OLFM3: variants seen among roughly 807,000 people sequenced by gnomAD.
OLFM3 encodes the protein noelin-3.
OLFM3 carries 20 observed loss-of-function variants against 48.6 expected under a neutral mutation model. That is an observed-to-expected ratio of 0.41 (90% CI 0.29 to 0.60). OLFM3 has a LOEUF of 0.60. OLFM3 is among the 20% of genes least tolerant of loss of function. OLFM3 has a pLI of 0.28. For missense variants in OLFM3, 437 were observed against 544.3 expected (o/e 0.80, Z 1.96); for synonymous variants, 222 against 198.1 (o/e 1.12, Z -1.01).
chr1:101,809,701 G>C (rs1653956101), intron 4 of OLFM3, among the ~76,000 whole-genome samples: 1 of 151,880 alleles, frequency 6.6e-6, no homozygotes, highest in South Asian at 2.1e-4. Context: ...TTGATACATA[G>C]ATAGACTGTA....
intron 1 of OLFM3, among the ~76,000 whole-genome samples, chr1:101,969,782 CAGG>C (rs1660730479): frequency 6.6e-6 from 1 of 151,706 alleles, no homozygotes; most frequent in South Asian, 2.1e-4. Context: ...GTGTCTATGT[CAGG>C]AGAAGGATGT....
intron 1 of OLFM3, among the ~76,000 whole-genome samples, chr1:101,881,880 T>C (rs536592592): frequency 5.1e-4 from 78 of 151,812 alleles, no homozygotes; most frequent in African/African-American, 1.7e-3. Flanking sequence ...TTACTAGACC[T>C]CAACCACAGT....
At chr1:101,831,772 T>C (rs1655162491) in intron 2 of OLFM3, among the ~76,000 whole-genome samples, 1 of 152,336 alleles carries the variant, frequency 6.6e-6, no homozygotes, top group East Asian at 1.9e-4. Flanking sequence ...AAAATATACA[T>C]TTATCAAGAT....
chr1:101,996,441 CA>C (rs1661558591), intron 1 of OLFM3, among the ~76,000 whole-genome samples: 1 of 152,136 alleles, frequency 6.6e-6, no homozygotes, highest in Admixed American at 6.5e-5. Context: ...CGTCCGACTT[CA>C]AAAGAGAGCA....
chr1:101,884,688 T>C (rs1380160145), intron 1 of OLFM3, among the ~76,000 whole-genome samples: 1 of 151,998 alleles, frequency 6.6e-6, no homozygotes, highest in Non-Finnish European at 1.5e-5. Context: ...TGCCAGTCTT[T>C]TGGTTGTACA....
At chr1:101,889,484 A>G (rs1657904363) in intron 1 of OLFM3, among the ~76,000 whole-genome samples, 1 of 152,118 alleles carries the variant, frequency 6.6e-6, no homozygotes, top group Non-Finnish European at 1.5e-5. Flanking sequence ...GGGTAACATC[A>G]CACACCAGGG....
intron 4 of OLFM3, chr1:101,812,363 A>G: frequency 1.1e-6 from 1 of 893,556 alleles, no homozygotes. Flanking sequence ...TAAACTTCAA[A>G]GTGAAGTTTG....
intron 1 of OLFM3, among the ~76,000 whole-genome samples, chr1:101,968,287 C>G (rs1201801436): frequency 6.6e-6 from 1 of 152,262 alleles, no homozygotes; most frequent in Non-Finnish European, 1.5e-5. Flanking sequence ...CAATTGCTCT[C>G]CTCATCCAGA....
chr1:101,943,537 A>T (rs565705398), intron 1 of OLFM3, among the ~76,000 whole-genome samples: 45 of 152,352 alleles, frequency 3.0e-4, no homozygotes, highest in African/African-American at 1.0e-3. Context: ...ATACAAGTTA[A>T]ACACAAGGAG....
At chr1:101,843,331 C>T (rs1655820231) in intron 1 of OLFM3, among the ~76,000 whole-genome samples, 1 of 152,170 alleles carries the variant, frequency 6.6e-6, no homozygotes, top group African/African-American at 2.4e-5. Flanking sequence ...TTTTTAATTG[C>T]TCTTTCCCAG....
At chr1:101,977,678 A>C (rs1395347220) in intron 1 of OLFM3, among the ~76,000 whole-genome samples, 1 of 152,160 alleles carries the variant, frequency 6.6e-6, no homozygotes, top group Non-Finnish European at 1.5e-5. Context: ...ACCTCTCTTT[A>C]GTCAACTCTC....
chr1:101,839,331 G>C (rs1655594527), intron 1 of OLFM3, among the ~76,000 whole-genome samples: 1 of 152,090 alleles, frequency 6.6e-6, no homozygotes, highest in South Asian at 2.1e-4. Context: ...AGATTACTGG[G>C]TTAGTCTTTT....
chr1:101,954,478 G>A (rs1194492477), intron 1 of OLFM3, among the ~76,000 whole-genome samples: 1 of 151,968 alleles, frequency 6.6e-6, no homozygotes, highest in Non-Finnish European at 1.5e-5. Flanking sequence ...TTTCTTGCTT[G>A]TAATGAACAT....
At chr1:101,941,969 G>A (rs970460217) in intron 1 of OLFM3, among the ~76,000 whole-genome samples, 2 of 152,112 alleles carry the variant, frequency 1.3e-5, no homozygotes, top group African/African-American at 4.8e-5. Flanking sequence ...TCATAATAAA[G>A]CCTTTTCAAG....
chr1:101,818,774 CT>C (rs1415240687), intron 4 of OLFM3, among the ~76,000 whole-genome samples: 1 of 152,096 alleles, frequency 6.6e-6, no homozygotes, highest in Non-Finnish European at 1.5e-5. Context: ...CCCCCAAAAG[CT>C]TTTTGGCTTT....
intron 1 of OLFM3, among the ~76,000 whole-genome samples, chr1:101,921,552 G>A (rs1659096104): frequency 6.6e-6 from 1 of 152,146 alleles, no homozygotes; most frequent in Admixed American, 6.5e-5. Context: ...TGAGTAAAAG[G>A]CACTTGGGCT....
At chr1:101,981,864 G>A (rs12047669) in intron 1 of OLFM3, among the ~76,000 whole-genome samples, 37,548 of 151,400 alleles carry the variant, frequency 0.25, 5,174 homozygotes, top group Middle Eastern at 0.36. Flanking sequence ...TATAGAATGA[G>A]TAAAATAATG....
At chr1:101,951,318 A>T (rs114427936) in intron 1 of OLFM3, among the ~76,000 whole-genome samples, 2,288 of 152,342 alleles carry the variant, frequency 0.015, 59 homozygotes, top group African/African-American at 0.053. Flanking sequence ...ATGTTGTGGT[A>T]TACAAAGGAA....
Position 101,983,309 on chromosome 1 carries a change from C to T in OLFM3, c.69+13439G>A, listed in dbSNP as rs187586399. On this transcript the variant is annotated intron_variant, in intron 1 of 5. Coordinates refer to ENST00000370103, the MANE Select transcript of OLFM3 (RefSeq NM_058170.4). ...TTTCATTCTTCATTGTCTAGTTAAC[C>T]TTTCTTTAAGGATTCCTGTCCCCAG... is the stretch of plus-strand genomic sequence containing the variant. Among the ~76,000 whole-genome samples the T allele has an allele frequency of 2.0e-5, 3 of 152,248 alleles. No homozygotes were observed. In the East Asian group the frequency reaches 5.8e-4, roughly 29 times the overall value.
Sources: gnomAD v4.1 joint callset for allele counts (sites outside exome capture counted in the v4.1 genomes callset) on GRCh38, gnomAD v4.1.1 for gene constraint, MANE v1.5 for transcripts, NCBI Gene and HGNC (gene_info 2026-07-23, HGNC 2026-07-21) for gene names.